The following SDK1 variants were observed in gnomAD, a reference collection of about 807,000 sequenced individuals.
SDK1 encodes the protein sidekick cell adhesion molecule 1.
SDK1 carries 157 observed loss-of-function variants against 245.5 expected under a neutral mutation model. The ratio of observed to expected loss-of-function variants is 0.64; its 90% confidence interval spans 0.56 to 0.73. SDK1 has a LOEUF of 0.73. Ranked by LOEUF, SDK1 falls within the 30% of genes least tolerant of loss-of-function variation. The pLI, the probability that SDK1 is intolerant of heterozygous loss-of-function variation, is 0.00. For missense variants in SDK1, 3,583 were observed against 3,002.3 expected, an observed-to-expected ratio of 1.19 and a Z score of -4.52; for synonymous variants, 1,647 against 1,278.5, an observed-to-expected ratio of 1.29 and a Z score of -6.15.
intron 4 of SDK1, among the ~76,000 whole-genome samples, chr7:3,672,329 C>A (rs892974815): frequency 6.6e-6 from 1 of 151,918 alleles, no homozygotes; most frequent in Non-Finnish European, 1.5e-5. Context: ...CTCATCTACC[C>A]TACTGCACCC....
At chr7:3,477,383 A>G (rs1434624306) in intron 1 of SDK1, among the ~76,000 whole-genome samples, 5 of 149,796 alleles carry the variant, frequency 3.3e-5, no homozygotes, top group Non-Finnish European at 4.4e-5. Flanking sequence ...TTTAGTAGAG[A>G]TGGGGTTTCA....
At chr7:4,162,354 G>GT (rs1477320162) in intron 32 of SDK1, among the ~76,000 whole-genome samples, 36 of 117,202 alleles carry the variant, frequency 3.1e-4, no homozygotes, top group African/African-American at 1.1e-3. Context: ...GGTGGTGGTG[G>GT]TGGTTGTTGT....
At chr7:3,372,571 C>T (rs1042904951) in intron 1 of SDK1, among the ~76,000 whole-genome samples, 6 of 152,140 alleles carry the variant, frequency 3.9e-5, no homozygotes, top group African/African-American at 1.2e-4. Context: ...CGGAAGAGGG[C>T]AAGACCCTGA....
At chr7:4,132,583 C>T (rs1245150242) in intron 28 of SDK1, 160 bp downstream of exon 28, 10 of 570,660 alleles carry the variant, frequency 1.8e-5, no homozygotes, top group South Asian at 1.4e-4. Flanking sequence ...GACTATTAGC[C>T]GGGCATGATG....
rs986414969 is a variant in SDK1 at position 4,266,555 on chromosome 7, G to C, written c.*1171G>C. On this transcript the variant is annotated 3_prime_UTR_variant, in exon 45 of 45. Coordinates refer to ENST00000404826, the MANE Select transcript of SDK1 (RefSeq NM_152744.4). ...CCGAGGCCAGCTTTTAGCCTTAACA[G>C]GTTTTTTGGAAATGTTTCTTTTTTT... is the stretch of plus-strand genomic sequence containing the variant. 3.1e-6 allele frequency: 3 copies of C among 961,698 alleles called. No individual in the cohort carries two copies. The African/African-American group carries it at 6.0e-5, about 19-fold the overall frequency. 59.6% of individuals were successfully genotyped at this position (961,698 alleles called of 1,614,324 possible).
intron 5 of SDK1, among the ~76,000 whole-genome samples, chr7:3,939,107 C>T (rs1309265241): frequency 1.3e-5 from 2 of 152,234 alleles, no homozygotes; most frequent in Non-Finnish European, 2.9e-5. Flanking sequence ...TTCCCTTTCC[C>T]TCCCTCCTGC....
chr7:3,324,918 T>G (rs564964065), intron 1 of SDK1, among the ~76,000 whole-genome samples: 2 of 152,292 alleles, frequency 1.3e-5, no homozygotes, highest in South Asian at 2.1e-4. Flanking sequence ...AGGTAAACTT[T>G]CCATGCTGAA....
chr7:4,210,880 G>T (rs1198128438), intron 38 of SDK1, among the ~76,000 whole-genome samples: 1 of 152,218 alleles, frequency 6.6e-6, no homozygotes, highest in Non-Finnish European at 1.5e-5. Context: ...AGAGAGGAGG[G>T]CTAACACAAG....
At chr7:4,076,904 C>A in intron 20 of SDK1, 94 bp from the exon 21 acceptor site, 1 of 1,127,112 alleles carries the variant, frequency 8.9e-7, no homozygotes, top group Non-Finnish European at 1.3e-6. Flanking sequence ...CCAAGCTCTC[C>A]ATAGCTCCAA....
chr7:3,635,499 T>C (rs187181886), intron 2 of SDK1, among the ~76,000 whole-genome samples: 1 of 152,326 alleles, frequency 6.6e-6, no homozygotes, highest in Non-Finnish European at 1.5e-5. Context: ...ATTCAAGATA[T>C]GCTTGGGAAC....
chr7:3,700,995 G>A (rs1317156558), intron 4 of SDK1, among the ~76,000 whole-genome samples: 4 of 152,256 alleles, frequency 2.6e-5, no homozygotes, highest in Admixed American at 6.5e-5. Context: ...TGGCTGTGTC[G>A]TGCGCGTGAG....
chr7:3,974,301 G>A, intron 12 of SDK1, 68 bp from the exon 13 acceptor site: 1 of 1,398,230 alleles, frequency 7.2e-7, no homozygotes, highest in Non-Finnish European at 9.9e-7. Context: ...CTTTTTAAGA[G>A]ACAGGGAAGG....
At chr7:3,790,161 C>T (rs532055550) in intron 4 of SDK1, among the ~76,000 whole-genome samples, 4 of 152,228 alleles carry the variant, frequency 2.6e-5, no homozygotes, top group South Asian at 2.1e-4. Flanking sequence ...TATTTTCTGC[C>T]GTCCTTCCTC....
chr7:3,341,761 A>G (rs1005420695), intron 1 of SDK1, among the ~76,000 whole-genome samples: 3 of 152,252 alleles, frequency 2.0e-5, no homozygotes, highest in African/African-American at 4.8e-5. Flanking sequence ...TGAAAATTAC[A>G]AAACTGATGA....
intron 1 of SDK1, among the ~76,000 whole-genome samples, chr7:3,473,744 G>A (rs1386926678): frequency 6.6e-6 from 1 of 151,874 alleles, no homozygotes; most frequent in Non-Finnish European, 1.5e-5. Context: ...CTCCTACACA[G>A]AGCCCTGGCT....
chr7:3,831,918 G>C (rs1299070506), intron 5 of SDK1, among the ~76,000 whole-genome samples: 1 of 152,016 alleles, frequency 6.6e-6, no homozygotes, highest in Admixed American at 6.6e-5. Flanking sequence ...AGGTGTGGTA[G>C]TGCATACCTG....
At chr7:4,242,618 G>A (rs575907391) in intron 43 of SDK1, among the ~76,000 whole-genome samples, 15 of 152,100 alleles carry the variant, frequency 9.9e-5, no homozygotes, top group East Asian at 1.9e-4. Context: ...AGGACGCTTC[G>A]TCTGGAGAAC....
At chr7:3,793,365 A>C (rs1474925323) in intron 4 of SDK1, among the ~76,000 whole-genome samples, 1 of 152,170 alleles carries the variant, frequency 6.6e-6, no homozygotes, top group Non-Finnish European at 1.5e-5. Context: ...CTCCTTGGAT[A>C]GAAAAGCTAT....
chr7:3,932,035 G>C (rs915680991), intron 5 of SDK1, among the ~76,000 whole-genome samples: 7 of 152,172 alleles, frequency 4.6e-5, no homozygotes. Flanking sequence ...GCACAGTCCA[G>C]ATTTGCTGAG....
Sources: allele counts gnomAD v4.1 joint callset (sites outside exome capture counted in the v4.1 genomes callset), GRCh38; gene constraint gnomAD v4.1.1; transcripts MANE v1.5; gene names NCBI Gene and HGNC (gene_info 2026-07-23, HGNC 2026-07-21).